The following ASTN2 variants were observed in gnomAD, a reference collection of about 807,000 sequenced individuals.
ASTN2 encodes astrotactin-2.
ASTN2 carries 54 observed loss-of-function variants against 139.8 expected under a neutral mutation model. That is an observed-to-expected ratio of 0.39 (90% CI 0.31 to 0.48). The LOEUF is 0.48. Ranked by LOEUF, ASTN2 falls within the 20% of genes least tolerant of loss-of-function variation. ASTN2 has a pLI of 0.95. For synonymous variants in ASTN2, 756 were observed against 719.5 expected, an observed-to-expected ratio of 1.05 and a Z score of -0.81; for missense variants, 1,565 against 1,725.1, an observed-to-expected ratio of 0.91 and a Z score of 1.64.
At chr9:117,157,250 C>T (rs1572153) in intron 3 of ASTN2, among the ~76,000 whole-genome samples, 75,056 of 151,592 alleles carry the variant, frequency 0.5, 19,245 homozygotes, top group East Asian at 0.68. Context: ...TATTTGAACA[C>T]AGAGGAGGGA....
intron 1 of ASTN2, among the ~76,000 whole-genome samples, chr9:117,338,575 C>T (rs1475898249): frequency 6.6e-6 from 1 of 152,080 alleles, no homozygotes; most frequent in African/African-American, 2.4e-5. Context: ...AAAACATACC[C>T]TAACACGTAG....
intron 2 of ASTN2, among the ~76,000 whole-genome samples, chr9:117,250,094 A>T (rs953253947): frequency 4.6e-5 from 7 of 152,184 alleles, no homozygotes; most frequent in African/African-American, 1.7e-4. Context: ...ATCCAGGTGG[A>T]ATCAGAAGGC....
chr9:117,158,703 A>G (rs1296225451), intron 3 of ASTN2, among the ~76,000 whole-genome samples: 4 of 152,048 alleles, frequency 2.6e-5, no homozygotes, highest in African/African-American at 9.7e-5. Flanking sequence ...GATAGCCAGG[A>G]AGAACACTGG....
intron 2 of ASTN2, among the ~76,000 whole-genome samples, chr9:117,258,264 G>T (rs1833739061): frequency 6.6e-6 from 1 of 152,142 alleles, no homozygotes; most frequent in Non-Finnish European, 1.5e-5. Context: ...AAAACCTGCA[G>T]CTTAATCAGA....
chr9:117,152,933 G>A (rs1293695463), intron 3 of ASTN2, among the ~76,000 whole-genome samples: 1 of 152,052 alleles, frequency 6.6e-6, no homozygotes, highest in Non-Finnish European at 1.5e-5. Context: ...ATTAGTTTAA[G>A]GTAAATACAG....
chr9:116,499,521 A>G (rs532224115), intron 19 of ASTN2, among the ~76,000 whole-genome samples: 2 of 152,226 alleles, frequency 1.3e-5, no homozygotes, highest in African/African-American at 4.8e-5. Flanking sequence ...GTCCCTCTCT[A>G]TTATAGTCCA....
chr9:116,425,853 A>G lies in ASTN2; in HGVS notation c.4018T>C (p.Ter1340ArgextTer39). The change falls in exon 23 of 23, where the codon TGA becomes CGA. Residue 1340 changes from the stop codon to arginine (R), a stop_lost. Coordinates refer to ENST00000313400, the MANE Select transcript of ASTN2 (RefSeq NM_001365068.1). ...CTCACGGAGGGCAATACCCTCCCTC[A>G]CCGGCCCTTGGACTCCCCGTACGTG... ...RNTYGESKGR[*>R] 5 of 1,613,652 alleles carry G rather than the reference A, an allele frequency of 3.1e-6. No individual in the cohort carries two copies. Among genetic ancestry groups the G allele is most frequent in the Non-Finnish European group, 4.2e-6 (5 of 1,179,946 alleles).
chr9:117,054,335 A>C (rs182887663), intron 5 of ASTN2, among the ~76,000 whole-genome samples: 8 of 152,286 alleles, frequency 5.3e-5, no homozygotes, highest in Non-Finnish European at 5.9e-5. Context: ...TCACTGTGCC[A>C]CCTGGAGCAA....
intron 1 of ASTN2, among the ~76,000 whole-genome samples, chr9:117,319,880 G>A (rs948107991): frequency 6.6e-6 from 1 of 152,176 alleles, no homozygotes; most frequent in African/African-American, 2.4e-5. Flanking sequence ...TTTAGTGGGA[G>A]ACATAGGCTG....
At chr9:117,172,973 C>G (rs1300921773) in intron 3 of ASTN2, among the ~76,000 whole-genome samples, 1 of 152,110 alleles carries the variant, frequency 6.6e-6, no homozygotes, top group Non-Finnish European at 1.5e-5. Flanking sequence ...TCGCAGTTAC[C>G]TATGCTCTAG....
intron 16 of ASTN2, among the ~76,000 whole-genome samples, chr9:116,669,352 C>T (rs1859053934): frequency 6.6e-6 from 1 of 151,932 alleles, no homozygotes; most frequent in Non-Finnish European, 1.5e-5. Flanking sequence ...TATGCTGCTG[C>T]TCTACACTTC....
At chr9:116,458,336 T>C (rs1848391733) in intron 20 of ASTN2, among the ~76,000 whole-genome samples, 1 of 151,908 alleles carries the variant, frequency 6.6e-6, no homozygotes, top group East Asian at 1.9e-4. Flanking sequence ...AACAATTTAC[T>C]GTATATTTAA....
chr9:117,368,318 T>C (rs1350344894), intron 1 of ASTN2, among the ~76,000 whole-genome samples: 1 of 151,624 alleles, frequency 6.6e-6, no homozygotes, highest in Non-Finnish European at 1.5e-5. Context: ...CACAATTTAA[T>C]CTTATACTCA....
At chr9:117,151,448 G>C (rs902326127) in intron 3 of ASTN2, among the ~76,000 whole-genome samples, 6 of 152,144 alleles carry the variant, frequency 3.9e-5, no homozygotes, top group African/African-American at 9.7e-5. Context: ...AGGCACTGGG[G>C]ACACAGTGAT....
intron 19 of ASTN2, among the ~76,000 whole-genome samples, chr9:116,601,768 T>C (rs1375916067): frequency 6.6e-6 from 1 of 152,210 alleles, no homozygotes; most frequent in Non-Finnish European, 1.5e-5. Flanking sequence ...TGTGTTGAGT[T>C]TGAATTGCTT....
At chr9:116,577,994 G>A (rs183993306) in intron 19 of ASTN2, among the ~76,000 whole-genome samples, 2 of 152,224 alleles carry the variant, frequency 1.3e-5, no homozygotes, top group East Asian at 3.9e-4. Context: ...TTTGGAGAAT[G>A]TTATAAACCA....
chr9:116,604,620 A>C (rs573224500), intron 19 of ASTN2, among the ~76,000 whole-genome samples: 5 of 152,324 alleles, frequency 3.3e-5, no homozygotes, highest in African/African-American at 1.2e-4. Flanking sequence ...AACTAAGAGT[A>C]AATTCCACAA....
At chr9:116,516,093 C>T (rs563134390) in intron 19 of ASTN2, among the ~76,000 whole-genome samples, 2 of 152,238 alleles carry the variant, frequency 1.3e-5, no homozygotes, top group African/African-American at 4.8e-5. Context: ...AATATAAATA[C>T]GATTTCTTGA....
At chr9:116,867,558 A>G (rs1833049579) in intron 10 of ASTN2, among the ~76,000 whole-genome samples, 1 of 148,970 alleles carries the variant, frequency 6.7e-6, no homozygotes, top group Admixed American at 6.6e-5. Context: ...TCAAAAAAAA[A>G]AAAAAAAAAA....
Sources: gnomAD v4.1 joint callset for allele counts (sites outside exome capture counted in the v4.1 genomes callset) on GRCh38, gnomAD v4.1.1 for gene constraint, MANE v1.5 for transcripts, NCBI Gene and HGNC (gene_info 2026-07-23, HGNC 2026-07-21) for gene names.